Variants in CSGALNACT1 observed in about 807,000 individuals in gnomAD.
CSGALNACT1 encodes beta4GalNAcT-1.
CSGALNACT1 carries 52 observed loss-of-function variants against 51.0 expected under a neutral mutation model. That is an observed-to-expected ratio of 1.02 (90% CI 0.82 to 1.29). The LOEUF (loss-of-function observed/expected upper bound fraction) is 1.29. CSGALNACT1 is among the 50% of genes most tolerant of loss of function. The probability of loss-of-function intolerance (pLI) is 0.00; values close to 1 mark genes in which losing one functional copy is unlikely to be tolerated. For synonymous variants in CSGALNACT1, 341 were observed against 254.4 expected (o/e 1.34, Z -3.24); for missense variants, 935 against 679.2 (o/e 1.38, Z -4.19).
chr8:19,668,243 C>A (rs2059536790), intron 1 of CSGALNACT1, among the ~76,000 whole-genome samples: 1 of 152,226 alleles, frequency 6.6e-6, no homozygotes, highest in Middle Eastern at 3.4e-3. Context: ...GCACCCTCAT[C>A]TCTGCAGTCA....
rs367851419 is a variant in CSGALNACT1, at chr8:19,453,213, C to T, written c.851+5213G>A. Among the ~76,000 whole-genome samples, 59 of 152,198 alleles carry T rather than the reference C, an allele frequency of 3.9e-4. 1 individual carries two copies. Among genetic ancestry groups the T allele is most frequent in the African/African-American group, 1.3e-3 (55 of 41,532 alleles). ...GAAAATTTCTTAGACATGTTTCACA[C>T]TTTATTAACAAGAATATGAATTTAA... is the stretch of plus-strand genomic sequence containing the variant. On this transcript the variant is annotated intron_variant, in intron 5 of 9. Transcript: ENST00000454498.
chr8:19,586,350 C>G (rs899866716), intron 3 of CSGALNACT1, among the ~76,000 whole-genome samples: 1 of 150,104 alleles, frequency 6.7e-6, no homozygotes, highest in Non-Finnish European at 1.5e-5. Flanking sequence ...CAGAGCAAGA[C>G]TCCATCTCAG....
intron 1 of CSGALNACT1, among the ~76,000 whole-genome samples, chr8:19,616,678 CT>C (rs1014709905): frequency 6.0e-5 from 9 of 151,126 alleles, no homozygotes; most frequent in African/African-American, 2.2e-4. Context: ...TACCTCCCCC[CT>C]CATTCTCTCT....
At chr8:19,608,793 T>G (rs551090559) in intron 1 of CSGALNACT1, among the ~76,000 whole-genome samples, 1 of 152,320 alleles carries the variant, frequency 6.6e-6, no homozygotes, top group South Asian at 2.1e-4. Context: ...CTGGTGACAC[T>G]GTGATAGATG....
At chr8:19,716,102 T>C (rs1320957095) in intron 1 of CSGALNACT1, among the ~76,000 whole-genome samples, 1 of 152,174 alleles carries the variant, frequency 6.6e-6, no homozygotes, top group Non-Finnish European at 1.5e-5. Flanking sequence ...AAATGGCATT[T>C]TCAGTGATCC....
intron 3 of CSGALNACT1, among the ~76,000 whole-genome samples, chr8:19,559,719 T>C (rs1026032340): frequency 2.0e-5 from 3 of 152,102 alleles, no homozygotes; most frequent in African/African-American, 7.2e-5. Flanking sequence ...AAAAAGTGCC[T>C]AGCAATAAAT....
intron 1 of CSGALNACT1, among the ~76,000 whole-genome samples, chr8:19,651,391 G>GT (rs1409975465): frequency 2.0e-5 from 3 of 152,128 alleles, no homozygotes; most frequent in East Asian, 3.8e-4. Context: ...GCACCCAATA[G>GT]TTTTTTTATC....
intron 3 of CSGALNACT1, among the ~76,000 whole-genome samples, chr8:19,573,896 C>G (rs150119214): frequency 6.2e-4 from 95 of 152,312 alleles, no homozygotes; most frequent in South Asian, 2.1e-3. Flanking sequence ...CCATCATAAG[C>G]TGGCAATCCA....
At chr8:19,412,433 G>A (rs942341321) in intron 8 of CSGALNACT1, among the ~76,000 whole-genome samples, 12 of 152,358 alleles carry the variant, frequency 7.9e-5, no homozygotes, top group South Asian at 4.1e-4. Context: ...AGCTGGGGCC[G>A]TGGTCAGTGC....
intron 1 of CSGALNACT1, among the ~76,000 whole-genome samples, chr8:19,641,465 T>C (rs1301105508): frequency 6.6e-6 from 1 of 152,118 alleles, no homozygotes; most frequent in Non-Finnish European, 1.5e-5. Context: ...TCAAATGTTT[T>C]TATCTGGACA....
upstream of CSGALNACT1, chr8:19,682,960 C>T (rs2060738446): frequency 3.3e-6 from 1 of 305,024 alleles, no homozygotes; most frequent in Non-Finnish European, 6.6e-6. Flanking sequence ...CACTTCGCTG[C>T]AGTCCTTCGT....
chr8:19,718,547 C>A (rs1216881278), intron 1 of CSGALNACT1, among the ~76,000 whole-genome samples: 2 of 152,146 alleles, frequency 1.3e-5, no homozygotes, highest in African/African-American at 4.8e-5. Context: ...TTTCTTTTTT[C>A]TTGCCATCAA....
chr8:19,493,993 T>C lies in CSGALNACT1; in HGVS notation c.634+11208A>G, dbSNP rs138224918. On this transcript the variant is annotated intron_variant, in intron 4 of 9. Transcript: ENST00000454498. Reference sequence around the variant, plus strand: ...AACTATTTTCCAAACCTGCCTCCAATGTAATCCTCTATCCTGCTATCCGAG... The same window carrying C: ...AACTATTTTCCAAACCTGCCTCCAACGTAATCCTCTATCCTGCTATCCGAG... Among the ~76,000 whole-genome samples, 556 of 152,226 alleles carry C rather than the reference T, an allele frequency of 3.7e-3. 1 individual carries two copies. Among genetic ancestry groups the C allele is most frequent in the Non-Finnish European group, 5.5e-3 (375 of 68,016 alleles).
intron 1 of CSGALNACT1, among the ~76,000 whole-genome samples, chr8:19,640,850 G>T (rs2056653508): frequency 6.6e-6 from 1 of 151,588 alleles, no homozygotes; most frequent in Non-Finnish European, 1.5e-5. Flanking sequence ...TCAGAAAGTA[G>T]AATTATGAGC....
intron 1 of CSGALNACT1, among the ~76,000 whole-genome samples, chr8:19,704,792 A>T (rs74409891): frequency 0.024 from 3,663 of 152,300 alleles, 72 homozygotes; most frequent in Non-Finnish European, 0.036. Context: ...GCCATTTGTG[A>T]TAACAAGGAT....
intron 3 of CSGALNACT1, among the ~76,000 whole-genome samples, chr8:19,579,969 G>T (rs1397533801): frequency 1.3e-5 from 2 of 152,216 alleles, no homozygotes; most frequent in South Asian, 4.1e-4. Flanking sequence ...AATAGCTGCT[G>T]TTTGCTGTTT....
upstream of CSGALNACT1, among the ~76,000 whole-genome samples, chr8:19,604,150 GA>G (rs1242120135): frequency 6.6e-6 from 1 of 152,152 alleles, no homozygotes; most frequent in African/African-American, 2.4e-5. Flanking sequence ...GCTAGTAACT[GA>G]AAAATGAAGA....
chr8:19,666,599 G>C (rs576395707), intron 1 of CSGALNACT1, among the ~76,000 whole-genome samples: 1 of 151,476 alleles, frequency 6.6e-6, no homozygotes, highest in Non-Finnish European at 1.5e-5. Flanking sequence ...GGAGGGAGAG[G>C]AGGTGGGCGG....
At chr8:19,737,025 AG>A (rs1176576737) in intron 1 of CSGALNACT1, among the ~76,000 whole-genome samples, 1 of 152,174 alleles carries the variant, frequency 6.6e-6, no homozygotes, top group Non-Finnish European at 1.5e-5. Context: ...CAGATAAAAA[AG>A]GCATGTTTCT....
Sources: gnomAD v4.1 joint callset for allele counts (sites outside exome capture counted in the v4.1 genomes callset) on GRCh38, gnomAD v4.1.1 for gene constraint, MANE v1.5 for transcripts, NCBI Gene and HGNC (gene_info 2026-07-23, HGNC 2026-07-21) for gene names.